ENPP3: variants seen among roughly 807,000 people sequenced by gnomAD.
ENPP3 encodes ectonucleotide pyrophosphatase/phosphodiesterase 3.
ENPP3 carries 104 observed loss-of-function variants against 117.8 expected under a neutral mutation model. The ratio of observed to expected loss-of-function variants is 0.88; its 90% CI spans 0.75 to 1.04. ENPP3 has a LOEUF of 1.04. ENPP3 is among the 50% of genes least tolerant of loss of function. The pLI is 0.00. For missense variants in ENPP3, 1,026 were observed against 1,051.9 expected, an observed-to-expected ratio of 0.98 and a Z score of 0.34; for synonymous variants, 380 against 349.9, an observed-to-expected ratio of 1.09 and a Z score of -0.96.
At position 131,709,604 on chromosome 6, in the gene ENPP3, C is replaced by T. The variant is rs758433625; in HGVS notation, c.1413-9068C>T. 3 of 1,613,066 alleles carry T rather than the reference C, an allele frequency of 1.9e-6. No individual in the cohort carries two copies. In the South Asian group the frequency reaches 3.3e-5, roughly 18 times the overall value. On this transcript the variant is annotated intron_variant, in intron 15 of 24. Transcript: ENST00000357639. ...CTTAAATCACTGAGGTTTCTTTCAGCAGTCCGAGCTGCCAACCAATTATCA... is the reference window on the plus strand; with the variant it reads ...CTTAAATCACTGAGGTTTCTTTCAGTAGTCCGAGCTGCCAACCAATTATCA...
chr6:131,718,835 G>A (rs1340627343), intron 16 of ENPP3, 97 bp downstream of exon 16: 2 of 666,358 alleles, frequency 3.0e-6, no homozygotes, highest in African/African-American at 3.7e-5. Context: ...CTGTCATGGG[G>A]GTTTGTCATA....
chr6:131,734,278 G>T (rs374152142), intron 21 of ENPP3, among the ~76,000 whole-genome samples: 3 of 152,130 alleles, frequency 2.0e-5, no homozygotes, highest in East Asian at 3.9e-4. Flanking sequence ...AGTTTTTGTT[G>T]TTGTTGTTGT....
rs563939276 is a variant in ENPP3 at position 131,691,895 on chromosome 6, C to G, written c.1285-1602C>G. 2.0e-5 allele frequency among the ~76,000 whole-genome samples: 3 copies of G among 152,204 alleles called. No homozygotes were observed. The South Asian group carries it at 6.2e-4, about 32-fold the overall frequency. On this transcript the variant is annotated intron_variant, in intron 14 of 24. Transcript: ENST00000357639. The stretch of plus-strand genomic sequence containing the variant: ...AAGAAAGAAGTAATGATAAATAAAA[C>G]AGTAGAAGCATAAGAAGCCTAGAAA...
At chr6:131,701,472 A>G (rs1779529239) in intron 15 of ENPP3, 1 of 643,708 alleles carries the variant, frequency 1.6e-6, no homozygotes, top group Admixed American at 2.9e-5. Flanking sequence ...GATTCATTTT[A>G]ACTTGTTCGG....
intron 7 of ENPP3, among the ~76,000 whole-genome samples, chr6:131,673,441 C>T (rs1778791753): frequency 6.6e-6 from 1 of 152,144 alleles, no homozygotes; most frequent in East Asian, 1.9e-4. Flanking sequence ...ATATACCACA[C>T]ATTCTCACTT....
intron 15 of ENPP3, among the ~76,000 whole-genome samples, chr6:131,695,644 G>A (rs546390541): frequency 6.6e-6 from 1 of 152,146 alleles, no homozygotes; most frequent in Non-Finnish European, 1.5e-5. Context: ...GGCCAGGCAC[G>A]GTGGCTCACG....
At chr6:131,684,683 C>CA (rs150280548) in intron 12 of ENPP3, among the ~76,000 whole-genome samples, 17,446 of 130,208 alleles carry the variant, frequency 0.13, 1,605 homozygotes, top group African/African-American at 0.28. Context: ...GACTCTGTCT[C>CA]AAAAAAAAAA....
chr6:131,709,584 A>G (rs1316549893), intron 15 of ENPP3: 1 of 1,613,554 alleles, frequency 6.2e-7, no homozygotes, highest in Admixed American at 1.7e-5. Context: ...CTTTCCTTAA[A>G]TCACTGAGGT....
rs752585689 is a variant in ENPP3 at position 131,652,844 on chromosome 6, G to C, written c.417G>C (p.Trp139Cys). 3 of 1,613,528 alleles carry C rather than the reference G, an allele frequency of 1.9e-6. No individual in the cohort carries two copies. The highest frequency in any genetic ancestry group is 1.7e-5 in the Admixed American group (1 of 60,000). Residue 139 changes from tryptophan (W) to cysteine (C), a missense_variant, in exon 5 of 25, where the codon TGG becomes TGC. Coordinates refer to ENST00000357639, the MANE Select transcript of ENPP3 (RefSeq NM_005021.5). ...TATGCTTTTCAGGAGAAACCTCATGGCTGGAAGAAAACTGTGACACAGCCC... is the reference window on the plus strand; with the variant it reads ...TATGCTTTTCAGGAGAAACCTCATGCCTGGAAGAAAACTGTGACACAGCCC... ...YKSVCQGETS[W>C]LEENCDTAQQ... is the part of the protein sequence containing the mutation.
At chr6:131,680,517 A>G (rs1374183650) in intron 11 of ENPP3, among the ~76,000 whole-genome samples, 1 of 152,190 alleles carries the variant, frequency 6.6e-6, no homozygotes, top group East Asian at 1.9e-4. Context: ...ACAGAAGTGG[A>G]GATGGCCTAA....
intron 7 of ENPP3, among the ~76,000 whole-genome samples, chr6:131,672,156 A>G (rs1399781883): frequency 6.6e-6 from 1 of 152,214 alleles, no homozygotes; most frequent in Non-Finnish European, 1.5e-5. Context: ...ACAAAGAAGC[A>G]CAAAAAGTTG....
chr6:131,723,888 T>C (rs1290437587), intron 18 of ENPP3, 152 bp from the exon 19 acceptor site: 1 of 618,072 alleles, frequency 1.6e-6, no homozygotes, highest in Non-Finnish European at 2.9e-6. Context: ...TATTTCTGAA[T>C]AGTGGCAGAA....
chr6:131,733,832 C>A, intron 21 of ENPP3, 109 bp downstream of exon 21: 2 of 1,170,558 alleles, frequency 1.7e-6, no homozygotes, highest in Non-Finnish European at 2.4e-6. Context: ...CTTGGGTAAG[C>A]TAGCTGCCTG....
chr6:131,640,415 G>A (rs1778017332), intron 1 of ENPP3, among the ~76,000 whole-genome samples: 1 of 152,162 alleles, frequency 6.6e-6, no homozygotes, highest in East Asian at 1.9e-4. Context: ...TGACCCTTGA[G>A]CTAACTTTGA....
chr6:131,701,387 T>C, intron 15 of ENPP3: 1 of 1,613,998 alleles, frequency 6.2e-7, no homozygotes, highest in South Asian at 1.1e-5. Context: ...TGATGGATGT[T>C]ATATTGTCTC....
intron 6 of ENPP3, among the ~76,000 whole-genome samples, chr6:131,658,673 A>G (rs1778436922): frequency 1.3e-5 from 2 of 152,170 alleles, no homozygotes; most frequent in Admixed American, 1.3e-4. Context: ...TTTGAATGTA[A>G]CTTCTGTCCT....
chr6:131,678,907 C>CTCTTTCTTTT lies in ENPP3; in HGVS notation c.1011+976_1011+977insTTCTTTCTTT. On this transcript the variant is annotated intron_variant, in intron 11 of 24. Coordinates refer to ENST00000357639, the MANE Select transcript of ENPP3 (RefSeq NM_005021.5). ...CCTTCTTTTCCCTTTCTTTCTTTCT[C>CTCTTTCTTTT]TCTTTCTTTCTTTCTTTCTTTCTTT... Among the ~76,000 whole-genome samples the CTCTTTCTTTT allele has an allele frequency of 2.8e-5, 2 of 71,762 alleles. 1 individual carries two copies. Among genetic ancestry groups the CTCTTTCTTTT allele is most frequent in the South Asian group, 9.6e-4 (2 of 2,088 alleles). The allele number at this position is 71,762 out of a possible 152,430, so 47.1% of individuals were successfully genotyped here. A position where few individuals can be genotyped will look rare whatever the true frequency, so the allele number is the denominator to read the frequency against.
intron 1 of ENPP3, among the ~76,000 whole-genome samples, chr6:131,640,463 T>C (rs1280953758): frequency 6.6e-6 from 1 of 152,204 alleles, no homozygotes; most frequent in Non-Finnish European, 1.5e-5. Flanking sequence ...TATTGTAACA[T>C]AGCTTCCCAA....
At chr6:131,721,605 T>A in intron 17 of ENPP3, among the ~76,000 whole-genome samples, 1 of 149,084 alleles carries the variant, frequency 6.7e-6, no homozygotes, top group African/African-American at 2.6e-5. Flanking sequence ...ACAAATACAT[T>A]TTGTATTATG....
Sources: allele counts gnomAD v4.1 joint callset (sites outside exome capture counted in the v4.1 genomes callset), GRCh38; gene constraint gnomAD v4.1.1; transcripts MANE v1.5; gene names NCBI Gene and HGNC (gene_info 2026-07-23, HGNC 2026-07-21).